The following KCNH8 variants were observed in gnomAD, a reference collection of about 807,000 sequenced individuals.
KCNH8 encodes the protein potassium voltage-gated channel subfamily H member 8.
KCNH8 carries 70 observed loss-of-function variants against 103.6 expected under a neutral mutation model. The observed-to-expected ratio is 0.68, with a 90% CI of 0.56 to 0.82. The LOEUF (loss-of-function observed/expected upper bound fraction) is 0.82. Among genes scored for constraint, KCNH8 ranks in the 40% least tolerant of loss-of-function variants. KCNH8 has a pLI of 0.00. For synonymous variants in KCNH8, 498 were observed against 489.4 expected (o/e 1.02, Z -0.23); for missense variants, 1,217 against 1,329.9 (o/e 0.92, Z 1.32).
intron 5 of KCNH8, among the ~76,000 whole-genome samples, chr3:19,376,018 C>T (rs13092504): frequency 0.21 from 32,099 of 151,906 alleles, 3,639 homozygotes; most frequent in Middle Eastern, 0.3. Context: ...CAGACAGGGA[C>T]ATTTAAGTCT....
rs530360066 is a variant in KCNH8, at chr3:19,250,759, T to C, written c.77-2895T>C. 4.6e-5 allele frequency among the ~76,000 whole-genome samples: 7 copies of C among 152,356 alleles called. No homozygotes were observed. The East Asian group carries it at 5.8e-4, about 13-fold the overall frequency. On this transcript the variant is annotated intron_variant, in intron 1 of 15. Transcript: ENST00000328405. ...TTGTGGACCACTGATTTGGTACTTA[T>C]ATGATGTGTTTTAGTGTTATTTATG...
intron 5 of KCNH8, among the ~76,000 whole-genome samples, chr3:19,360,451 C>G (rs1231283568): frequency 6.6e-6 from 1 of 151,998 alleles, no homozygotes. Flanking sequence ...AACACAATTA[C>G]TCATATTCTT....
chr3:19,202,291 A>T (rs1256784602), intron 1 of KCNH8, among the ~76,000 whole-genome samples: 1 of 152,080 alleles, frequency 6.6e-6, no homozygotes, highest in East Asian at 1.9e-4. Flanking sequence ...TATTAAGATG[A>T]GCTGGGTTGG....
At chr3:19,499,813 C>T (rs544147345) in intron 11 of KCNH8, among the ~76,000 whole-genome samples, 16 of 150,790 alleles carry the variant, frequency 1.1e-4, no homozygotes, top group South Asian at 1.0e-3. Context: ...AAGAAACAAC[C>T]GGTACCAGCC....
chr3:19,249,043 T>C (rs1210247841), intron 1 of KCNH8, among the ~76,000 whole-genome samples: 1 of 152,190 alleles, frequency 6.6e-6, no homozygotes, highest in Non-Finnish European at 1.5e-5. Context: ...TGAATATATA[T>C]ATAAAAATTA....
chr3:19,326,164 A>G (rs1002348132), intron 3 of KCNH8, among the ~76,000 whole-genome samples: 3 of 151,854 alleles, frequency 2.0e-5, no homozygotes, highest in African/African-American at 7.3e-5. Flanking sequence ...GAGTGGAACA[A>G]TACACACTGG....
intron 2 of KCNH8, among the ~76,000 whole-genome samples, chr3:19,262,900 A>G (rs1031928990): frequency 6.6e-6 from 1 of 152,084 alleles, no homozygotes; most frequent in Non-Finnish European, 1.5e-5. Flanking sequence ...AAACAAAATT[A>G]TCTTCTCACC....
intron 1 of KCNH8, among the ~76,000 whole-genome samples, chr3:19,157,892 T>C (rs558817959): frequency 4.6e-5 from 7 of 151,944 alleles, no homozygotes; most frequent in East Asian, 1.9e-4. Flanking sequence ...GTATACATTG[T>C]CCCAGTTTTG....
intron 7 of KCNH8, among the ~76,000 whole-genome samples, chr3:19,397,246 G>A (rs976644127): frequency 2.0e-5 from 3 of 151,828 alleles, no homozygotes; most frequent in South Asian, 2.1e-4. Flanking sequence ...AACCAATCTC[G>A]CAGAGAGAGC....
rs2068766284 is a variant in KCNH8, at chr3:19,510,549, CTTGAGT to C, written c.2079+155_2079+160del. ...AATAAGAGATGTGGCAACTGACTTG[CTTGAGT>C]TTGAGTATAGAGGAGAATTGAAACT... is the stretch of plus-strand genomic sequence containing the variant. On this transcript the variant is annotated intron_variant, in intron 12 of 15. Coordinates refer to ENST00000328405, the MANE Select transcript of KCNH8 (RefSeq NM_144633.3). The C allele has an allele frequency of 1.4e-5, 9 of 649,964 alleles. No individual in the cohort carries two copies. The South Asian group carries it at 1.6e-4, about 12-fold the overall frequency. The allele number at this position is 649,964 out of a possible 1,614,324, so 40.3% of individuals were successfully genotyped here.
intron 2 of KCNH8, among the ~76,000 whole-genome samples, chr3:19,274,847 TCCCCTCCCCTCCCCA>T (rs1206933467): frequency 9.1e-3 from 50 of 5,492 alleles, no homozygotes; most frequent in East Asian, 0.082. Context: ...TCCCCACCCC[TCCCCTCCCCTCCCCA>T]CCCCTCCCCT....
chr3:19,281,496 C>T (rs1360268567), intron 3 of KCNH8, among the ~76,000 whole-genome samples, 167 bp downstream of exon 3: 2 of 152,052 alleles, frequency 1.3e-5, no homozygotes. Context: ...GACTCACATG[C>T]ATTTACATTC....
intron 11 of KCNH8, among the ~76,000 whole-genome samples, chr3:19,495,798 C>T (rs1318467876): frequency 2.6e-5 from 4 of 151,984 alleles, no homozygotes; most frequent in African/African-American, 9.7e-5. Context: ...GCAGTGTGGC[C>T]ATTTTAATGA....
intron 3 of KCNH8, among the ~76,000 whole-genome samples, chr3:19,286,425 G>A (rs988390824): frequency 6.6e-6 from 1 of 152,182 alleles, no homozygotes; most frequent in African/African-American, 2.4e-5. Flanking sequence ...GAACAGAACA[G>A]CCATATGCAA....
chr3:19,220,191 T>G (rs971069191), intron 1 of KCNH8, among the ~76,000 whole-genome samples: 4 of 152,166 alleles, frequency 2.6e-5, no homozygotes, highest in African/African-American at 9.7e-5. Flanking sequence ...CCATTGCTGT[T>G]TTTCATTCTG....
intron 1 of KCNH8, among the ~76,000 whole-genome samples, chr3:19,178,367 A>T (rs1344869499): frequency 6.6e-6 from 1 of 152,128 alleles, no homozygotes; most frequent in Non-Finnish European, 1.5e-5. Context: ...CTGAAAACAT[A>T]AGTTCAAAAA....
intron 11 of KCNH8, among the ~76,000 whole-genome samples, chr3:19,470,718 G>C (rs2067838239): frequency 6.6e-6 from 1 of 152,192 alleles, no homozygotes; most frequent in African/African-American, 2.4e-5. Flanking sequence ...GGCAGAGGTA[G>C]CTGCTGGACA....
At chr3:19,359,077 C>T (rs895360050) in intron 5 of KCNH8, among the ~76,000 whole-genome samples, 1 of 151,762 alleles carries the variant, frequency 6.6e-6, no homozygotes, top group Non-Finnish European at 1.5e-5. Flanking sequence ...TGGGTAGTAA[C>T]TCACATGCTA....
intron 1 of KCNH8, among the ~76,000 whole-genome samples, chr3:19,150,083 T>G (rs2063113706): frequency 6.6e-6 from 1 of 152,216 alleles, no homozygotes; most frequent in Admixed American, 6.5e-5. Flanking sequence ...ACTTCATAAG[T>G]GTTTTTATCT....
Sources: gnomAD v4.1 joint callset for allele counts (sites outside exome capture counted in the v4.1 genomes callset) on GRCh38, gnomAD v4.1.1 for gene constraint, MANE v1.5 for transcripts, NCBI Gene and HGNC (gene_info 2026-07-23, HGNC 2026-07-21) for gene names.